IL1RAPL1: variants seen among roughly 807,000 people sequenced by gnomAD.
IL1RAPL1 encodes interleukin 1 receptor accessory protein like 1, also known as interleukin-1 receptor accessory protein-like 1.
A neutral mutation model predicts 48.4 loss-of-function variants in IL1RAPL1; 3 were observed. The ratio of observed to expected loss-of-function variants is 0.06; its 90% CI spans 0.03 to 0.16. The LOEUF is 0.16. Among genes scored for constraint, IL1RAPL1 ranks in the 10% least tolerant of loss-of-function variants. The probability of loss-of-function intolerance (pLI) is 1.00; values close to 1 mark genes in which losing one functional copy is unlikely to be tolerated. For missense variants in IL1RAPL1, 349 were observed against 530.6 expected (o/e 0.66, Z 3.36); for synonymous variants, 185 against 187.7 (o/e 0.99, Z 0.12).
At chrX:28,873,523 C>CTTTTTTTTT (rs10554661) in intron 2 of IL1RAPL1, among the ~76,000 whole-genome samples, 6 of 56,679 alleles carry the variant, frequency 1.1e-4, no homozygotes, top group Non-Finnish European at 1.2e-4. Context: ...TTCTTTCTTT[C>CTTTTTTTTT]TTTTTTTTTT....
At chrX:28,668,505 A>G (rs1934908045) in intron 1 of IL1RAPL1, among the ~76,000 whole-genome samples, 1 of 113,025 alleles carries the variant, frequency 8.8e-6, no homozygotes, top group African/African-American at 3.2e-5. Flanking sequence ...GCATCCGCCC[A>G]CCTCGGCCTC....
intron 3 of IL1RAPL1, among the ~76,000 whole-genome samples, chrX:29,332,652 T>A (rs199555148): frequency 5.3e-4 from 44 of 82,508 alleles, no homozygotes; most frequent in East Asian, 5.0e-3. Flanking sequence ...TTATTTATTT[T>A]ATTTTTTTTT....
chrX:29,460,459 A>T (rs1019710009), intron 5 of IL1RAPL1, among the ~76,000 whole-genome samples: 1 of 111,837 alleles, frequency 8.9e-6, no homozygotes, highest in Non-Finnish European at 1.9e-5. Context: ...GTATCCCACT[A>T]TGTCAAACAA....
chrX:29,424,871 T>C (rs1258570623), intron 5 of IL1RAPL1, among the ~76,000 whole-genome samples: 2 of 111,924 alleles, frequency 1.8e-5, no homozygotes, highest in Non-Finnish European at 3.8e-5. Context: ...TAAATGGTGA[T>C]GGTTACCCTT....
chrX:29,237,265 A>T (rs1272581816), intron 2 of IL1RAPL1, among the ~76,000 whole-genome samples: 2 of 111,877 alleles, frequency 1.8e-5, no homozygotes, highest in Non-Finnish European at 3.8e-5. Flanking sequence ...TCTTGCAAGT[A>T]CTCATTCATC....
rs71979557 is a variant in IL1RAPL1 at position 29,393,724 on chromosome X, G to GTT, written c.363-2524_363-2523dup. ...AAAAGGCCTTTCTGTTTTTGTTTTTGTTTTTTTTTTTAATTCTGTGTTCTA... is the reference window on the plus strand; with the variant it reads ...AAAAGGCCTTTCTGTTTTTGTTTTTGTTTTTTTTTTTTTAATTCTGTGTTCTA... On this transcript the variant is annotated intron_variant, in intron 3 of 10. Coordinates refer to ENST00000378993, the MANE Select transcript of IL1RAPL1 (RefSeq NM_014271.4). 1.6e-3 allele frequency among the ~76,000 whole-genome samples: 164 copies of GTT among 102,763 alleles called. 1 individual carries two copies. The highest frequency in any genetic ancestry group is 5.0e-3 in the Middle Eastern group (1 of 200). The allele number at this position is 102,763 out of a possible 115,157, so 89.2% of individuals were successfully genotyped here. A position where few individuals can be genotyped will look rare whatever the true frequency, so the allele number is the denominator to read the frequency against.
chrX:29,550,699 A>C (rs1921787375), intron 5 of IL1RAPL1, among the ~76,000 whole-genome samples: 1 of 112,038 alleles, frequency 8.9e-6, no homozygotes, highest in Non-Finnish European at 1.9e-5. Context: ...GAAGTGGGTC[A>C]AATGAGTGGG....
At chrX:28,936,318 C>A (rs1399392496) in intron 2 of IL1RAPL1, among the ~76,000 whole-genome samples, 2 of 110,066 alleles carry the variant, frequency 1.8e-5, no homozygotes, top group Non-Finnish European at 3.8e-5. Flanking sequence ...AATGACTGAG[C>A]AATGGAACTG....
intron 2 of IL1RAPL1, among the ~76,000 whole-genome samples, chrX:29,146,517 G>C (rs1445984920): frequency 1.8e-5 from 2 of 111,122 alleles, no homozygotes; most frequent in African/African-American, 6.6e-5. Context: ...CTCTATTAAG[G>C]CAAGAATTTT....
chrX:28,835,690 C>T (rs1236378994), intron 2 of IL1RAPL1, among the ~76,000 whole-genome samples: 2 of 110,896 alleles, frequency 1.8e-5, no homozygotes, highest in African/African-American at 6.5e-5. Flanking sequence ...CAATAAACCG[C>T]CATTTTTGTA....
intron 1 of IL1RAPL1, among the ~76,000 whole-genome samples, chrX:28,633,937 TAA>T (rs1934429391): frequency 8.9e-6 from 1 of 111,802 alleles, no homozygotes; most frequent in East Asian, 2.8e-4. Context: ...CAATAGCTGA[TAA>T]AAAAGTTCCC....
intron 5 of IL1RAPL1, among the ~76,000 whole-genome samples, chrX:29,570,665 A>C (rs1237956152): frequency 1.8e-5 from 2 of 112,196 alleles, no homozygotes; most frequent in Non-Finnish European, 3.8e-5. Flanking sequence ...TCTGCCAAAG[A>C]TCACAGCCTT....
At chrX:28,732,772 G>A (rs1026548531) in intron 1 of IL1RAPL1, among the ~76,000 whole-genome samples, 11 of 111,248 alleles carry the variant, frequency 9.9e-5, no homozygotes, top group Non-Finnish European at 1.9e-4. Context: ...AGGAGACTGA[G>A]GCAGGAGAAT....
At chrX:28,932,393 A>G (rs905249923) in intron 2 of IL1RAPL1, among the ~76,000 whole-genome samples, 3 of 111,719 alleles carry the variant, frequency 2.7e-5, no homozygotes, top group African/African-American at 9.7e-5. Flanking sequence ...ATTTTCTTAC[A>G]ATGTAATAGT....
At position 29,493,078 on chromosome X, in the gene IL1RAPL1, A is replaced by G. The variant is rs190671971; in HGVS notation, c.703+93770A>G. On this transcript the variant is annotated intron_variant, in intron 5 of 10. Coordinates refer to ENST00000378993, the MANE Select transcript of IL1RAPL1 (RefSeq NM_014271.4). ...TTTTGCACTGGCATTATTGCATTGC[A>G]CTACTGAAGAAATCACTAAATCTGT... is the stretch of plus-strand genomic sequence containing the variant. Among the ~76,000 whole-genome samples, 54 of 112,107 alleles carry G rather than the reference A, an allele frequency of 4.8e-4. No homozygotes were observed. The East Asian group carries it at 0.014, about 29-fold the overall frequency.
rs769814349 is a variant in IL1RAPL1, at chrX:29,562,091, GTCTATCTATCTA to G, written c.704-106326_704-106315del. 1.1e-3 allele frequency among the ~76,000 whole-genome samples: 92 copies of G among 86,348 alleles called. 1 individual carries two copies. The highest frequency in any genetic ancestry group is 1.7e-3 in the Non-Finnish European group (73 of 44,192). 75.0% of individuals were successfully genotyped at this position (86,348 alleles called of 115,157 possible). On this transcript the variant is annotated intron_variant, in intron 5 of 10. Transcript: ENST00000378993. ...ATCTATCTATCTATCTAATCTATCT[GTCTATCTATCTA>G]TCTATCTATCTAATCTATCTATCTA...
At chrX:28,642,158 A>G (rs1366305007) in intron 1 of IL1RAPL1, among the ~76,000 whole-genome samples, 1 of 111,591 alleles carries the variant, frequency 9.0e-6, no homozygotes, top group Non-Finnish European at 1.9e-5. Flanking sequence ...CCAGATTCAT[A>G]AAGCAAGTTC....
intron 2 of IL1RAPL1, among the ~76,000 whole-genome samples, chrX:28,906,761 TTGAG>T (rs1176669215): frequency 2.7e-5 from 3 of 111,998 alleles, no homozygotes. Flanking sequence ...CATTTATTTC[TTGAG>T]TATCTATTAT....
At chrX:29,856,388 T>G (rs1219963063) in intron 6 of IL1RAPL1, among the ~76,000 whole-genome samples, 1 of 111,900 alleles carries the variant, frequency 8.9e-6, no homozygotes, top group Non-Finnish European at 1.9e-5. Flanking sequence ...TTATTCAGAA[T>G]GTACTAAGAT....
Sources: gnomAD v4.1 joint callset for allele counts (sites outside exome capture counted in the v4.1 genomes callset) on GRCh38, gnomAD v4.1.1 for gene constraint, MANE v1.5 for transcripts, NCBI Gene and HGNC (gene_info 2026-07-23, HGNC 2026-07-21) for gene names.